Variants in DMD observed in about 807,000 individuals in gnomAD.
The protein encoded by DMD is mutant dystrophin.
A neutral mutation model predicts 330.1 loss-of-function variants in DMD; 63 were observed. The ratio of observed to expected loss-of-function variants is 0.19; its 90% confidence interval spans 0.16 to 0.24. The LOEUF (loss-of-function observed/expected upper bound fraction) is 0.24. Ranked by LOEUF, DMD falls within the 10% of genes least tolerant of loss-of-function variation. DMD has a pLI of 1.00. For synonymous variants in DMD, 1,223 were observed against 959.8 expected (o/e 1.27, Z -5.07); for missense variants, 3,344 against 2,684.1 (o/e 1.25, Z -5.43).
intron 44 of DMD, among the ~76,000 whole-genome samples, chrX:32,118,801 G>A (rs2096622293): frequency 9.1e-6 from 1 of 110,434 alleles, no homozygotes; most frequent in South Asian, 3.9e-4. Context: ...AGAGGTGCGT[G>A]GGAGGCGATG....
At chrX:31,761,307 T>G (rs112041498) in intron 51 of DMD, among the ~76,000 whole-genome samples, 5,023 of 110,815 alleles carry the variant, frequency 0.045, 115 homozygotes, top group Middle Eastern at 0.12. Context: ...TATCTACAAG[T>G]TTGGGCCATG....
chrX:32,857,163 T>C (rs1366239745), intron 2 of DMD, among the ~76,000 whole-genome samples: 1 of 112,187 alleles, frequency 8.9e-6, no homozygotes, highest in Non-Finnish European at 1.9e-5. Context: ...TACCCTGATA[T>C]GATTATGCTT....
intron 57 of DMD, 129 bp downstream of exon 57, chrX:31,496,656 AATT>A: frequency 4.0e-6 from 3 of 748,920 alleles, no homozygotes; most frequent in Non-Finnish European, 4.0e-6. Context: ...GATTATTTAT[AATT>A]GACCCTTGGG....
intron 1 of DMD, among the ~76,000 whole-genome samples, chrX:33,298,029 T>A (rs1294797079): frequency 1.8e-5 from 2 of 111,382 alleles, no homozygotes; most frequent in Non-Finnish European, 3.8e-5. Context: ...GTTGTATATC[T>A]TAAATATATA....
intron 1 of DMD, among the ~76,000 whole-genome samples, chrX:33,296,798 C>T (rs773312927): frequency 9.0e-6 from 1 of 111,078 alleles, no homozygotes; most frequent in African/African-American, 3.2e-5. Context: ...GTTTTAGTAC[C>T]TGGTTGAAAT....
intron 62 of DMD, among the ~76,000 whole-genome samples, chrX:31,295,743 T>C (rs1384606813): frequency 1.8e-5 from 2 of 112,312 alleles, no homozygotes; most frequent in East Asian, 5.6e-4. Flanking sequence ...TGGTGATATA[T>C]GGAATTGATT....
intron 60 of DMD, among the ~76,000 whole-genome samples, chrX:31,422,568 G>T (rs957246432): frequency 2.1e-4 from 23 of 111,897 alleles, no homozygotes; most frequent in African/African-American, 7.4e-4. Context: ...TGGTTAAATT[G>T]TAAAATAAAT....
intron 60 of DMD, among the ~76,000 whole-genome samples, chrX:31,419,899 G>A (rs2063271926): frequency 8.9e-6 from 1 of 111,851 alleles, no homozygotes; most frequent in South Asian, 3.7e-4. Flanking sequence ...TGTGATACGA[G>A]AGCGGGATGT....
At chrX:32,867,955 G>A (rs199738197) in intron 2 of DMD, among the ~76,000 whole-genome samples, 1 of 111,061 alleles carries the variant, frequency 9.0e-6, no homozygotes, top group East Asian at 2.8e-4. Flanking sequence ...TGACCAACTA[G>A]GAACAGCTGC....
chrX:32,201,676 T>G (rs757376163), intron 44 of DMD, among the ~76,000 whole-genome samples: 1 of 111,579 alleles, frequency 9.0e-6, no homozygotes, highest in Non-Finnish European at 1.9e-5. Flanking sequence ...TGAAGGGAAC[T>G]TTCCAAATCC....
At chrX:32,923,633 T>G (rs5927112) in intron 2 of DMD, among the ~76,000 whole-genome samples, 7,935 of 111,502 alleles carry the variant, frequency 0.071, 290 homozygotes, top group African/African-American at 0.14. Flanking sequence ...AATTGCCTAT[T>G]GTCCTACATG....
intron 54 of DMD, among the ~76,000 whole-genome samples, chrX:31,628,943 A>ATATATATATATATATATATATAT (rs756897440): frequency 1.4e-5 from 1 of 70,667 alleles, no homozygotes; most frequent in Non-Finnish European, 2.9e-5. Flanking sequence ...TATATATATA[A>ATATATATATATATATATATATAT]AATGCATGTA....
chrX:32,164,983 T>A (rs1282162521), intron 44 of DMD, among the ~76,000 whole-genome samples: 2 of 112,301 alleles, frequency 1.8e-5, no homozygotes, highest in Admixed American at 1.9e-4. Flanking sequence ...AATTGAAGTT[T>A]GGGAACCTCT....
At chrX:32,879,021 A>AAC (rs1557109751) in intron 2 of DMD, among the ~76,000 whole-genome samples, 1 of 101,766 alleles carries the variant, frequency 9.8e-6, no homozygotes, top group East Asian at 3.2e-4. Context: ...AAAAAAACAA[A>AAC]AAACAAAAAA....
At position 32,312,941 on chromosome X, in the gene DMD, C is replaced by CAAAAAAAAAAAAAAAA. The variant is rs1171543953; in HGVS notation, c.5923-2666_5923-2665insTTTTTTTTTTTTTTTT. Among the ~76,000 whole-genome samples the CAAAAAAAAAAAAAAAA allele has an allele frequency of 4.5e-3, 87 of 19,197 alleles. 2 individuals carry two copies. The highest frequency in any genetic ancestry group is 8.2e-3 in the Non-Finnish European group (76 of 9,324). The allele number at this position is 19,197 out of a possible 115,157, so 16.7% of individuals were successfully genotyped here. Reference sequence around the variant, plus strand: ...AATTGAGGCAGTAATAGCCTACGAACCAAAAAAAAAAAAAAAAAAAAAAGC... The same window carrying CAAAAAAAAAAAAAAAA: ...AATTGAGGCAGTAATAGCCTACGAACAAAAAAAAAAAAAAAACAAAAAAAAAAAAAAAAAAAAAAGC... On this transcript the variant is annotated intron_variant, in intron 41 of 78. Coordinates refer to ENST00000357033, the MANE Select transcript of DMD (RefSeq NM_004006.3).
At chrX:32,695,431 C>T (rs765940432) in intron 9 of DMD, among the ~76,000 whole-genome samples, 7 of 111,287 alleles carry the variant, frequency 6.3e-5, no homozygotes, top group Non-Finnish European at 1.3e-4. Context: ...GTGTAATGAG[C>T]ATAAAAATAT....
intron 17 of DMD, among the ~76,000 whole-genome samples, chrX:32,523,171 C>A (rs2046607545): frequency 9.0e-6 from 1 of 111,070 alleles, no homozygotes; most frequent in African/African-American, 3.3e-5. Context: ...AAACGATACC[C>A]CAAAGTATGG....
chrX:31,932,410 C>G (rs768418198), intron 45 of DMD, among the ~76,000 whole-genome samples, 183 bp from the exon 46 acceptor site: 10 of 112,117 alleles, frequency 8.9e-5, no homozygotes, highest in African/African-American at 2.9e-4. Flanking sequence ...TCAAGAATCT[C>G]TAAATGATAA....
At chrX:32,832,053 GA>G (rs886358530) in intron 4 of DMD, among the ~76,000 whole-genome samples, 8 of 111,037 alleles carry the variant, frequency 7.2e-5, no homozygotes, top group Non-Finnish European at 1.5e-4. Flanking sequence ...TGTTTCAAAG[GA>G]ATTGGTTCTC....
Sources: allele counts gnomAD v4.1 joint callset (sites outside exome capture counted in the v4.1 genomes callset), GRCh38; gene constraint gnomAD v4.1.1; transcripts MANE v1.5; gene names NCBI Gene and HGNC (gene_info 2026-07-23, HGNC 2026-07-21).